The following BCO1 variants were observed in gnomAD, a reference collection of about 807,000 sequenced individuals.
BCO1 encodes beta-carotene oxygenase 1, also known as beta,beta-carotene 15,15'-dioxygenase.
A neutral mutation model predicts 56.3 loss-of-function variants in BCO1; 54 were observed. The ratio of observed to expected loss-of-function variants is 0.96; its 90% CI spans 0.77 to 1.20. BCO1 has a LOEUF of 1.20. BCO1 is among the 50% of genes most tolerant of loss of function. BCO1 has a pLI of 0.00. For synonymous variants in BCO1, 318 were observed against 266.1 expected, an observed-to-expected ratio of 1.20 and a Z score of -1.90; for missense variants, 801 against 690.9, an observed-to-expected ratio of 1.16 and a Z score of -1.79.
intron 7 of BCO1, among the ~76,000 whole-genome samples, chr16:81,276,855 T>C (rs1034993583): frequency 6.6e-6 from 1 of 151,606 alleles, no homozygotes; most frequent in Admixed American, 6.6e-5. Context: ...TCACTTGAGG[T>C]CAGGAGTTCA....
At chr16:81,266,224 T>A (rs761309662) in intron 5 of BCO1, among the ~76,000 whole-genome samples, 1 of 152,176 alleles carries the variant, frequency 6.6e-6, no homozygotes, top group Non-Finnish European at 1.5e-5. Flanking sequence ...CTTCTCCATG[T>A]GGGGCTGGGA....
chr16:81,241,536 A>G (rs1186448564), intron 1 of BCO1, among the ~76,000 whole-genome samples: 1 of 152,216 alleles, frequency 6.6e-6, no homozygotes, highest in Non-Finnish European at 1.5e-5. Flanking sequence ...CTGGGTAGAA[A>G]TAAACATCCT....
chr16:81,271,103 C>G, intron 7 of BCO1, among the ~76,000 whole-genome samples: 1 of 120,702 alleles, frequency 8.3e-6, no homozygotes, highest in East Asian at 3.2e-4. Context: ...ACAATTTGCC[C>G]TTTTATTTAT....
intron 1 of BCO1, among the ~76,000 whole-genome samples, chr16:81,243,542 C>A (rs938412686): frequency 1.3e-5 from 2 of 152,124 alleles, no homozygotes; most frequent in African/African-American, 4.8e-5. Flanking sequence ...GATCTCAGCT[C>A]ACTGCAACCT....
At position 81,262,159 on chromosome 16, in the gene BCO1, C is replaced by A; in HGVS notation, c.347C>A (p.Thr116Asn). 1 of 1,613,994 alleles carries A rather than the reference C, an allele frequency of 6.2e-7. No homozygotes were observed. Among genetic ancestry groups the A allele is most frequent in the East Asian group, 2.2e-5 (1 of 44,878 alleles). The change falls in exon 4 of 11, where the codon ACC (threonine) becomes AAC (asparagine). Residue 116 changes from threonine (T) to asparagine (N), a missense_variant. Transcript: ENST00000258168. ...AGAGCTTTCTCCTACTTGTCTCACA[C>A]CATCCCCGATTTCACCGACAACTGC... Reference protein sequence around the residue: ...FSKAFSYLSHTIPDFTDNCLI... With the variant: ...FSKAFSYLSHNIPDFTDNCLI...
chr16:81,276,994 G>C (rs1269309011), intron 7 of BCO1, among the ~76,000 whole-genome samples: 1 of 148,600 alleles, frequency 6.7e-6, no homozygotes, highest in Non-Finnish European at 1.5e-5. Context: ...TCGAACCCGG[G>C]AGGCGGAGGT....
chr16:81,287,689 T>C (rs896676184), intron 10 of BCO1, among the ~76,000 whole-genome samples: 1 of 152,148 alleles, frequency 6.6e-6, no homozygotes, highest in Non-Finnish European at 1.5e-5. Flanking sequence ...TTCACAGTTC[T>C]GGTTTGTGGC....
At chr16:81,290,299 G>A (rs768597745) in intron 10 of BCO1, 49 bp from the exon 11 acceptor site, 28 of 1,472,786 alleles carry the variant, frequency 1.9e-5, no homozygotes, top group East Asian at 4.5e-5. Flanking sequence ...TCATCCCTCC[G>A]ACTGAAGCCT....
intron 1 of BCO1, among the ~76,000 whole-genome samples, chr16:81,244,281 C>A (rs969579858): frequency 1.3e-5 from 2 of 152,154 alleles, no homozygotes; most frequent in African/African-American, 4.8e-5. Context: ...CTATGCCACA[C>A]GTGCACTTTT....
At chr16:81,276,454 C>T (rs1180719553) in intron 7 of BCO1, among the ~76,000 whole-genome samples, 2 of 152,218 alleles carry the variant, frequency 1.3e-5, no homozygotes, top group Non-Finnish European at 2.9e-5. Context: ...TCTGCTGTTC[C>T]TGCCACAGGC....
At chr16:81,240,136 C>T (rs1321246287) in intron 1 of BCO1, among the ~76,000 whole-genome samples, 1 of 151,772 alleles carries the variant, frequency 6.6e-6, no homozygotes, top group African/African-American at 2.4e-5. Context: ...AGCTATCAAT[C>T]TGTATATATA....
chr16:81,250,323 A>G (rs1336950345), intron 2 of BCO1, among the ~76,000 whole-genome samples: 1 of 151,980 alleles, frequency 6.6e-6, no homozygotes, highest in Non-Finnish European at 1.5e-5. Flanking sequence ...CTGCCTCCCC[A>G]TCTCTCCATC....
At chr16:81,279,666 C>G (rs1468496569) in intron 7 of BCO1, among the ~76,000 whole-genome samples, 2 of 152,112 alleles carry the variant, frequency 1.3e-5, no homozygotes. Flanking sequence ...CTCAAGGCCC[C>G]ACGGTTAGTA....
At chr16:81,246,872 G>C (rs893186352) in intron 2 of BCO1, among the ~76,000 whole-genome samples, 3 of 90,688 alleles carry the variant, frequency 3.3e-5, no homozygotes, top group Non-Finnish European at 7.4e-5. Flanking sequence ...AAAAAAAGAA[G>C]AGTACAGAGC....
rs371899868 is a variant in BCO1 at position 81,270,281 on chromosome 16, C to T, written c.966C>T (p.Asp322=). ...AAGAGGACGGCTGCATCGTGTTTGACGTCATTGCCTACGAGGACAACAGCC... is the reference window on the plus strand; with the variant it reads ...AAGAGGACGGCTGCATCGTGTTTGATGTCATTGCCTACGAGGACAACAGCC... ...AYEEDGCIVF[D]VIAYEDNSLY... is the part of the protein sequence containing the mutation. Residue 322 remains aspartate (D), a synonymous_variant, in exon 7 of 11, where the codon GAC becomes GAT. Coordinates refer to ENST00000258168, the MANE Select transcript of BCO1 (RefSeq NM_017429.3). 3.4e-5 allele frequency: 55 copies of T among 1,614,064 alleles called. No individual in the cohort carries two copies. The highest frequency in any genetic ancestry group is 6.7e-5 in the East Asian group (3 of 44,900).
At chr16:81,283,420 T>C (rs1181185315) in intron 8 of BCO1, among the ~76,000 whole-genome samples, 2 of 150,770 alleles carry the variant, frequency 1.3e-5, no homozygotes, top group East Asian at 3.9e-4. Context: ...CAAAACCCCA[T>C]CTCTATTTAA....
chr16:81,275,232 C>T (rs1271591911), intron 7 of BCO1, among the ~76,000 whole-genome samples: 1 of 152,254 alleles, frequency 6.6e-6, no homozygotes, highest in African/African-American at 2.4e-5. Flanking sequence ...GCTTTCCCCT[C>T]TGTCTGAAAC....
At chr16:81,266,389 G>A (rs1331206024) in intron 5 of BCO1, among the ~76,000 whole-genome samples, 1 of 152,138 alleles carries the variant, frequency 6.6e-6, no homozygotes, top group African/African-American at 2.4e-5. Flanking sequence ...AGACAGTGCA[G>A]AACTACAACG....
At chr16:81,278,009 A>G (rs902248704) in intron 7 of BCO1, among the ~76,000 whole-genome samples, 1 of 152,160 alleles carries the variant, frequency 6.6e-6, no homozygotes, top group Non-Finnish European at 1.5e-5. Flanking sequence ...TTGCAGAGCC[A>G]TGGAGGTGGA....
Sources: gnomAD v4.1 joint callset for allele counts (sites outside exome capture counted in the v4.1 genomes callset) on GRCh38, gnomAD v4.1.1 for gene constraint, MANE v1.5 for transcripts, NCBI Gene and HGNC (gene_info 2026-07-23, HGNC 2026-07-21) for gene names.